The following STK32C variants were observed in gnomAD, a reference collection of about 807,000 sequenced individuals.
The protein encoded by STK32C is serine/threonine-protein kinase 32C.
STK32C carries 31 observed loss-of-function variants against 56.5 expected under a neutral mutation model. The ratio of observed to expected loss-of-function variants is 0.55; its 90% confidence interval spans 0.41 to 0.74. STK32C has a LOEUF of 0.74. STK32C is among the 30% of genes least tolerant of loss of function. STK32C has a pLI of 0.00. For missense variants in STK32C, 544 were observed against 676.9 expected (o/e 0.80, Z 2.18); for synonymous variants, 309 against 289.4 (o/e 1.07, Z -0.69).
chr10:132,291,212 C>T (rs1338190755), intron 1 of STK32C, among the ~76,000 whole-genome samples: 5 of 152,210 alleles, frequency 3.3e-5, no homozygotes, highest in Non-Finnish European at 7.3e-5. Flanking sequence ...GGAGCATTGC[C>T]GTTTCTTAAT....
chr10:132,281,954 CCATGCTGTCCGCTGCCACTCTCAG>C (rs1441673063), intron 1 of STK32C, among the ~76,000 whole-genome samples: 2 of 152,220 alleles, frequency 1.3e-5, no homozygotes, highest in African/African-American at 2.4e-5. Context: ...GCCACTCTCC[CCATGCTGTCCGCTGCCACTCTCAG>C]AGCAGCGTCC....
At position 132,245,962 on chromosome 10, in the gene STK32C, G is replaced by A. The variant is rs1321390652; in HGVS notation, c.263-7C>T. On this transcript the variant is annotated splice_polypyrimidine_tract_variant and splice_region_variant and intron_variant, in intron 1 of 11. Coordinates refer to ENST00000298630, the MANE Select transcript of STK32C (RefSeq NM_173575.4). ...TGGAAGTGGTCGAAGTTCACTGCAG[G>A]ATAAAACAGAGGGACACCTGGTGAG... is the stretch of plus-strand genomic sequence containing the variant. The A allele has an allele frequency of 1.9e-6, 3 of 1,613,488 alleles. No individual in the cohort carries two copies. The highest frequency in any genetic ancestry group is 2.7e-5 in the African/African-American group (2 of 75,052).
At chr10:132,296,179 G>C (rs2065741368) in intron 1 of STK32C, among the ~76,000 whole-genome samples, 1 of 151,312 alleles carries the variant, frequency 6.6e-6, no homozygotes. Flanking sequence ...ATGAATCCCA[G>C]TTAAAGGACA....
chr10:132,307,594 C>T lies in STK32C; in HGVS notation c.240G>A (p.Pro80=), dbSNP rs1379187588. 4 of 1,545,254 alleles carry T rather than the reference C, an allele frequency of 2.6e-6. No homozygotes were observed. The highest frequency in any genetic ancestry group is 1.4e-5 in the African/African-American group (1 of 69,682). The change falls in exon 1 of 12, where the codon CCG becomes CCA. Residue 80 remains proline, a synonymous_variant. Coordinates refer to ENST00000298630, the MANE Select transcript of STK32C (RefSeq NM_173575.4). The surrounding 1 kb of genome is among the most constrained non-coding windows in gnomAD (Gnocchi z 4.4). The part of the protein sequence containing the change: ...SSMSAATARR[P]VFDDKEDVNF... ...CACCGTCCTCCTTGTCGTCAAACAC[C>T]GGCCTCCGCGCGGTGGCCGCCGACA... is the stretch of plus-strand genomic sequence containing the variant.
At chr10:132,293,419 C>T (rs2065632723) in intron 1 of STK32C, among the ~76,000 whole-genome samples, 1 of 152,252 alleles carries the variant, frequency 6.6e-6, no homozygotes, top group Non-Finnish European at 1.5e-5. Flanking sequence ...CTGGTGGCTG[C>T]ACCTTCACAC....
At chr10:132,324,326 C>T (rs751944304) in exon 2 of STK32C, 1 of 779,680 alleles carries the variant, frequency 1.3e-6, no homozygotes, top group Non-Finnish European at 2.4e-6. Flanking sequence ...CACACCATTC[C>T]ACATCTTCCT....
At chr10:132,250,868 C>T (rs904780190) in intron 1 of STK32C, among the ~76,000 whole-genome samples, 3 of 152,230 alleles carry the variant, frequency 2.0e-5, no homozygotes, top group Admixed American at 6.5e-5. Flanking sequence ...ACGCTGCACT[C>T]AGAGCCCCCA....
exon 1 of STK32C, chr10:132,331,579 A>T: frequency 6.2e-7 from 1 of 1,612,916 alleles, no homozygotes; most frequent in Non-Finnish European, 8.5e-7. Flanking sequence ...GGCTCCAGGA[A>T]GCCCCAGGAG....
At chr10:132,225,848 T>G in intron 4 of STK32C, 64 bp from the exon 5 acceptor site, 1 of 1,604,640 alleles carries the variant, frequency 6.2e-7, no homozygotes, top group Non-Finnish European at 8.5e-7. Context: ...CTGGAATCTC[T>G]GTCACAATCC....
At chr10:132,236,604 T>C (rs1393945617) in intron 2 of STK32C, among the ~76,000 whole-genome samples, 1 of 152,180 alleles carries the variant, frequency 6.6e-6, no homozygotes, top group Non-Finnish European at 1.5e-5. Flanking sequence ...TGAGGCAGCA[T>C]GACAAGTTTA....
At chr10:132,240,509 A>G (rs2063463765) in intron 2 of STK32C, among the ~76,000 whole-genome samples, 1 of 152,032 alleles carries the variant, frequency 6.6e-6, no homozygotes, top group South Asian at 2.1e-4. Flanking sequence ...GGCCAGGCAG[A>G]CCTTCTTCAC....
chr10:132,259,037 C>T (rs2064220391), intron 1 of STK32C, among the ~76,000 whole-genome samples: 1 of 126,408 alleles, frequency 7.9e-6, no homozygotes, highest in African/African-American at 3.8e-5. Context: ...GGCTGCTGCA[C>T]CGGGTACTGG....
chr10:132,263,165 C>A (rs1320501159), intron 1 of STK32C, among the ~76,000 whole-genome samples: 2 of 152,206 alleles, frequency 1.3e-5, no homozygotes, highest in African/African-American at 4.8e-5. Context: ...GTGCTAATCA[C>A]AACAGCAATG....
chr10:132,216,880 G>A (rs1226114053), intron 10 of STK32C, among the ~76,000 whole-genome samples: 1 of 152,252 alleles, frequency 6.6e-6, no homozygotes. Flanking sequence ...GAGGATGTAT[G>A]GAAACACCTG....
intron 2 of STK32C, among the ~76,000 whole-genome samples, chr10:132,233,413 G>A (rs1442929094): frequency 6.6e-6 from 1 of 152,216 alleles, no homozygotes; most frequent in African/African-American, 2.4e-5. Context: ...CCCTCTCCCT[G>A]GATGAGCTCA....
intron 1 of STK32C, among the ~76,000 whole-genome samples, chr10:132,266,169 C>T (rs1256705792): frequency 1.3e-5 from 2 of 152,184 alleles, no homozygotes; most frequent in Non-Finnish European, 2.9e-5. Flanking sequence ...AACAAACTCC[C>T]GATCCATAGC....
At chr10:132,331,365 G>A (rs2066724616) in intron 1 of STK32C, 3 of 1,481,504 alleles carry the variant, frequency 2.0e-6, no homozygotes, top group South Asian at 1.3e-5. Flanking sequence ...GACCACGCGA[G>A]CACCTCCCCT....
At chr10:132,300,028 G>A (rs759242665) in intron 1 of STK32C, among the ~76,000 whole-genome samples, 3 of 152,228 alleles carry the variant, frequency 2.0e-5, no homozygotes, top group Non-Finnish European at 4.4e-5. Context: ...CAAGACAAAT[G>A]TCATCCTTGC....
upstream of STK32C, chr10:132,332,115 C>T (rs2066797781): frequency 4.9e-6 from 1 of 202,952 alleles, no homozygotes; most frequent in East Asian, 1.2e-4. Context: ...GCATCACAGA[C>T]ACACTCGCGC....
Sources: allele counts gnomAD v4.1 joint callset (sites outside exome capture counted in the v4.1 genomes callset), GRCh38; gene constraint gnomAD v4.1.1; non-coding constraint Gnocchi (gnomAD v3.1); transcripts MANE v1.5; gene names NCBI Gene and HGNC (gene_info 2026-07-23, HGNC 2026-07-21).